The following ABLIM3 variants were observed in gnomAD, a reference collection of about 807,000 sequenced individuals.
ABLIM3 encodes the protein actin-binding LIM protein 3.
In ABLIM3, 61 loss-of-function variants were observed where a neutral mutation model predicts 109.5. The observed-to-expected ratio is 0.56, with a 90% CI of 0.45 to 0.69. The LOEUF is 0.69. Among genes scored for constraint, ABLIM3 ranks in the 30% least tolerant of loss-of-function variants. The pLI is 0.00. For synonymous variants in ABLIM3, 300 were observed against 324.8 expected (o/e 0.92, Z 0.82); for missense variants, 796 against 889.5 (o/e 0.89, Z 1.34).
chr5:149,145,839 T>C (rs534114315), intron 2 of ABLIM3, among the ~76,000 whole-genome samples: 91 of 152,068 alleles, frequency 6.0e-4, no homozygotes, highest in Non-Finnish European at 1.2e-3. Context: ...AGGCTGATGT[T>C]CAGTGTAACA....
chr5:149,193,833 G>C (rs968776339), intron 3 of ABLIM3, among the ~76,000 whole-genome samples: 21 of 152,132 alleles, frequency 1.4e-4, no homozygotes, highest in Non-Finnish European at 2.8e-4. Flanking sequence ...AGATCAGTGG[G>C]GAAAGATTAG....
intron 3 of ABLIM3, among the ~76,000 whole-genome samples, chr5:149,188,591 C>T (rs1757193535): frequency 6.6e-6 from 1 of 152,172 alleles, no homozygotes. Context: ...CATCTTGCTG[C>T]GTCTTCGCAT....
At chr5:149,184,389 T>G (rs952968312) in intron 3 of ABLIM3, among the ~76,000 whole-genome samples, 1 of 152,194 alleles carries the variant, frequency 6.6e-6, no homozygotes, top group Non-Finnish European at 1.5e-5. Context: ...TTTTTGTTGA[T>G]CTTATATTTG....
intron 3 of ABLIM3, among the ~76,000 whole-genome samples, chr5:149,193,055 A>G (rs1757643873): frequency 6.6e-6 from 1 of 152,202 alleles, no homozygotes; most frequent in African/African-American, 2.4e-5. Context: ...AATGCAATGT[A>G]TGAACCTTGA....
At chr5:149,203,780 CACT>C (rs1355398388) in intron 5 of ABLIM3, among the ~76,000 whole-genome samples, 3 of 152,222 alleles carry the variant, frequency 2.0e-5, no homozygotes, top group Non-Finnish European at 4.4e-5. Flanking sequence ...GCATCACCAC[CACT>C]AACATAGATT....
chr5:149,246,498 G>T lies in ABLIM3; in HGVS notation c.1503G>T (p.Arg501Ser). 2 of 1,614,138 alleles carry T rather than the reference G, an allele frequency of 1.2e-6. No homozygotes were observed. The highest frequency in any genetic ancestry group is 1.1e-5 in the South Asian group (1 of 91,080). ...TTTTGACAGTGCCCCGAGCCAGAAG[G>T]TTCTCGTCTGGAGGAGAGGAGGATG... ...HGSPKVPRAR[R>S]FSSGGEEDDF... Residue 501 changes from arginine (R) to serine (S), a missense_variant, in exon 17 of 24, where the codon AGG (arginine) becomes AGT (serine). Coordinates refer to ENST00000309868, the MANE Select transcript of ABLIM3 (RefSeq NM_014945.5).
intron 22 of ABLIM3, 95 bp downstream of exon 22, chr5:149,252,303 A>G (rs1754009611): frequency 7.1e-7 from 1 of 1,403,878 alleles, no homozygotes; most frequent in Non-Finnish European, 9.8e-7. Flanking sequence ...CTATGTAGGG[A>G]AGGGAACATA....
intron 8 of ABLIM3, among the ~76,000 whole-genome samples, chr5:149,230,277 T>C (rs1480427371): frequency 6.6e-6 from 1 of 152,140 alleles, no homozygotes; most frequent in African/African-American, 2.4e-5. Context: ...AAGAAGCTCT[T>C]GATTTAGTGG....
intron 2 of ABLIM3, among the ~76,000 whole-genome samples, chr5:149,159,071 G>T (rs984625904): frequency 6.6e-6 from 1 of 152,192 alleles, no homozygotes; most frequent in African/African-American, 2.4e-5. Flanking sequence ...AAAGATTTAT[G>T]CAAGAATGTT....
At chr5:149,175,062 A>G (rs1448899695) in intron 2 of ABLIM3, among the ~76,000 whole-genome samples, 1 of 152,200 alleles carries the variant, frequency 6.6e-6, no homozygotes, top group Non-Finnish European at 1.5e-5. Context: ...CAGTGACAAG[A>G]GAGTATGTGG....
Position 149,200,320 on chromosome 5 carries a change from C to A in ABLIM3, c.340C>A (p.Pro114Thr). 6.2e-7 allele frequency: 1 copy of A among 1,614,164 alleles called. No homozygotes were observed. The highest frequency in any genetic ancestry group is 8.5e-7 in the Non-Finnish European group (1 of 1,179,976). ...KCFVCSLCRK[P>T]FPIGDKVTFS... The stretch of plus-strand genomic sequence containing the variant: ...TCTCCCTCATCCCACTTGCAGGAAG[C>A]CTTTCCCCATTGGAGACAAGGTGAC... Residue 114 changes from proline to threonine, a missense_variant, in exon 5 of 24, where the codon CCT becomes ACT. Pro to Thr is a conservative substitution (Grantham distance 38, BLOSUM62 -1). Coordinates refer to ENST00000309868, the MANE Select transcript of ABLIM3 (RefSeq NM_014945.5).
intron 2 of ABLIM3, among the ~76,000 whole-genome samples, chr5:149,154,414 A>G (rs1753699893): frequency 6.6e-6 from 1 of 152,212 alleles, no homozygotes; most frequent in Admixed American, 6.5e-5. Context: ...GGCCTGTTAC[A>G]TGTAGGGAGA....
At chr5:149,243,770 G>A (rs1002426715) in intron 15 of ABLIM3, 1 of 152,270 alleles carries the variant, frequency 6.6e-6, no homozygotes, top group Non-Finnish European at 1.5e-5. Flanking sequence ...AGCTTCTCAG[G>A]ACTTTGTGGG....
At chr5:149,216,566 C>A in intron 7 of ABLIM3, 1 of 171,696 alleles carries the variant, frequency 5.8e-6, no homozygotes, top group Non-Finnish European at 1.2e-5. Context: ...ATCCCAAGTT[C>A]ATGTACCACT....
chr5:149,160,449 G>A (rs1219227482), intron 2 of ABLIM3, among the ~76,000 whole-genome samples: 4 of 135,308 alleles, frequency 3.0e-5, no homozygotes, highest in African/African-American at 1.1e-4. Context: ...CAGAGTGAGT[G>A]AGACTCCGTC....
chr5:149,190,717 G>A (rs539325804), intron 3 of ABLIM3, among the ~76,000 whole-genome samples: 2 of 152,116 alleles, frequency 1.3e-5, no homozygotes, highest in African/African-American at 4.8e-5. Flanking sequence ...AAGACCCAAA[G>A]CAAAGTAAAA....
intron 2 of ABLIM3, among the ~76,000 whole-genome samples, chr5:149,161,308 T>G (rs1300817727): frequency 2.0e-5 from 3 of 152,220 alleles, no homozygotes; most frequent in Non-Finnish European, 4.4e-5. Flanking sequence ...ACTTAGAGAA[T>G]GATCCGGGAA....
intron 2 of ABLIM3, among the ~76,000 whole-genome samples, chr5:149,157,040 G>A (rs1234972906): frequency 6.6e-6 from 1 of 152,246 alleles, no homozygotes; most frequent in African/African-American, 2.4e-5. Context: ...GTAATCACAA[G>A]GGGTGTTACT....
At chr5:149,148,697 G>A (rs988533467) in intron 2 of ABLIM3, among the ~76,000 whole-genome samples, 14 of 152,182 alleles carry the variant, frequency 9.2e-5, no homozygotes, top group African/African-American at 2.7e-4. Flanking sequence ...TGTAAGGCCC[G>A]ATGTGGCCTG....
Sources: allele counts gnomAD v4.1 joint callset (sites outside exome capture counted in the v4.1 genomes callset), GRCh38; gene constraint gnomAD v4.1.1; transcripts MANE v1.5; gene names NCBI Gene and HGNC (gene_info 2026-07-23, HGNC 2026-07-21).